Variants in B4GALT5 observed in about 807,000 individuals in gnomAD.
B4GALT5 encodes the protein beta-1,4-galactosyltransferase 5.
A neutral mutation model predicts 45.0 loss-of-function variants in B4GALT5; 11 were observed. That is an observed-to-expected ratio of 0.24 (90% CI 0.15 to 0.40). The LOEUF is 0.40. Among genes scored for constraint, B4GALT5 ranks in the 10% least tolerant of loss-of-function variants. B4GALT5 has a pLI of 1.00. For missense variants in B4GALT5, 337 were observed against 500.2 expected, an observed-to-expected ratio of 0.67 and a Z score of 3.11; for synonymous variants, 185 against 182.9, an observed-to-expected ratio of 1.01 and a Z score of -0.09.
At chr20:49,705,387 G>A (rs570931315) in intron 1 of B4GALT5, among the ~76,000 whole-genome samples, 3 of 152,248 alleles carry the variant, frequency 2.0e-5, no homozygotes, top group Admixed American at 1.3e-4. Flanking sequence ...TCTTTCCTTT[G>A]ACCAAGACAG....
chr20:49,690,037 T>A (rs1416616843), intron 1 of B4GALT5, among the ~76,000 whole-genome samples: 3 of 152,290 alleles, frequency 2.0e-5, no homozygotes, highest in South Asian at 2.1e-4. Context: ...ACAGTCTCCC[T>A]CTGTCACCCA....
intron 1 of B4GALT5, among the ~76,000 whole-genome samples, chr20:49,703,039 T>A (rs1056139376): frequency 1.3e-5 from 2 of 151,266 alleles, no homozygotes; most frequent in Admixed American, 6.6e-5. Context: ...CCGGGCGTGG[T>A]GGTGGGTGCC....
chr20:49,712,274 C>CA (rs1343025437), intron 1 of B4GALT5, among the ~76,000 whole-genome samples: 1 of 152,226 alleles, frequency 6.6e-6, no homozygotes, highest in East Asian at 1.9e-4. Context: ...GATTGGGACT[C>CA]ACATTCCCAT....
At chr20:49,694,776 T>A (rs1342489415) in intron 1 of B4GALT5, among the ~76,000 whole-genome samples, 1 of 152,012 alleles carries the variant, frequency 6.6e-6, no homozygotes, top group Admixed American at 6.6e-5. Context: ...TGCCTTTGCA[T>A]ATGCACAATT....
intron 1 of B4GALT5, among the ~76,000 whole-genome samples, chr20:49,671,139 G>C (rs773361029): frequency 6.6e-6 from 1 of 152,186 alleles, no homozygotes; most frequent in Non-Finnish European, 1.5e-5. Flanking sequence ...AGCACTTTGG[G>C]AGGCCAAGGT....
chr20:49,682,072 G>C (rs2085766334), intron 1 of B4GALT5, among the ~76,000 whole-genome samples: 2 of 152,146 alleles, frequency 1.3e-5, no homozygotes, highest in Admixed American at 1.3e-4. Flanking sequence ...CTCCAGCCTG[G>C]ACAAAGGAGC....
intron 8 of B4GALT5, 77 bp downstream of exon 8, chr20:49,637,264 G>T: frequency 7.8e-7 from 1 of 1,288,680 alleles, no homozygotes; most frequent in Non-Finnish European, 1.1e-6. Flanking sequence ...AGGAGAAGGG[G>T]CTGTAATATG....
At chr20:49,655,622 T>A (rs2085639364) in intron 2 of B4GALT5, among the ~76,000 whole-genome samples, 1 of 151,894 alleles carries the variant, frequency 6.6e-6, no homozygotes, top group Non-Finnish European at 1.5e-5. Context: ...CTGTATTCAG[T>A]TTTTGAAAGA....
chr20:49,640,608 T>C lies in B4GALT5; in HGVS notation c.664A>G (p.Met222Val), dbSNP rs2085572803. The change falls in exon 6 of 9, where the codon ATG (methionine) becomes GTG (valine). Residue 222 changes from methionine (M) to valine (V), a missense_variant. Coordinates refer to ENST00000371711, the MANE Select transcript of B4GALT5 (RefSeq NM_004776.4). ...MLFNVGFQEA[M>V]KDLDWDCLIF... is the part of the protein sequence containing the mutation. ...AAACAGTCCCAATCCAAGTCTTTCA[T>C]TGCCTCTTGAAAGCCAACGTTGAAA... 1.2e-6 allele frequency: 2 copies of C among 1,613,954 alleles called. No homozygotes were observed. The highest frequency in any genetic ancestry group is 1.3e-5 in the African/African-American group (1 of 74,940).
At chr20:49,712,686 C>T (rs1054868574) in intron 1 of B4GALT5, among the ~76,000 whole-genome samples, 9 of 152,108 alleles carry the variant, frequency 5.9e-5, no homozygotes, top group Non-Finnish European at 1.0e-4. Context: ...ACCACACCAT[C>T]TACCCTCAAG....
rs913275124 is a variant in B4GALT5 at position 49,636,114 on chromosome 20, A to G, written c.*198T>C. The G allele has an allele frequency of 4.6e-6, 3 of 652,124 alleles. No homozygotes were observed. In the African/African-American group the frequency reaches 5.5e-5, roughly 12 times the overall value. The allele number at this position is 652,124 out of a possible 1,614,324, so 40.4% of individuals were successfully genotyped here. A position where few individuals can be genotyped will look rare whatever the true frequency, so the allele number is the denominator to read the frequency against. ...GCTGACGAAGGAAGTCCCCAAGCTC[A>G]CTCCCTCAGTTCCAGCGGCTGATCC... On this transcript the variant is annotated 3_prime_UTR_variant, in exon 9 of 9. Transcript: ENST00000371711.
chr20:49,675,652 A>G (rs181891142), intron 1 of B4GALT5, among the ~76,000 whole-genome samples: 16 of 152,162 alleles, frequency 1.1e-4, no homozygotes, highest in South Asian at 1.0e-3. Flanking sequence ...AGCAAATATC[A>G]TATCTTTGTA....
At chr20:49,673,506 G>T (rs905856280) in intron 1 of B4GALT5, among the ~76,000 whole-genome samples, 1 of 152,314 alleles carries the variant, frequency 6.6e-6, no homozygotes. Context: ...GCAGTGGATG[G>T]GGTGAGAAAG....
chr20:49,713,463 A>G, intron 1 of B4GALT5, 113 bp downstream of exon 1: 3 of 1,073,128 alleles, frequency 2.8e-6, no homozygotes, highest in East Asian at 3.1e-5. Flanking sequence ...GAGTCTTCGG[A>G]GGACCAGGCT....
At chr20:49,648,189 C>T (rs1056564330) in intron 2 of B4GALT5, among the ~76,000 whole-genome samples, 4 of 152,170 alleles carry the variant, frequency 2.6e-5, no homozygotes, top group Admixed American at 6.5e-5. Context: ...TGACCAGATT[C>T]TCCAGAGAAA....
chr20:49,679,684 A>C (rs549205128), intron 1 of B4GALT5, among the ~76,000 whole-genome samples: 23 of 150,846 alleles, frequency 1.5e-4, no homozygotes, highest in South Asian at 1.0e-3. Flanking sequence ...TTCAAAAAAA[A>C]CAAAAACAAA....
At chr20:49,671,018 G>A (rs1339986607) in intron 1 of B4GALT5, among the ~76,000 whole-genome samples, 1 of 152,146 alleles carries the variant, frequency 6.6e-6, no homozygotes, top group Non-Finnish European at 1.5e-5. Flanking sequence ...GGCAAAATCA[G>A]ACCATGACTA....
chr20:49,681,098 C>T (rs1164493656), intron 1 of B4GALT5, among the ~76,000 whole-genome samples: 1 of 151,596 alleles, frequency 6.6e-6, no homozygotes, highest in Non-Finnish European at 1.5e-5. Context: ...CATCTGTTGT[C>T]CCAGCTACTC....
At chr20:49,672,374 T>C (rs2085719614) in intron 1 of B4GALT5, among the ~76,000 whole-genome samples, 1 of 152,174 alleles carries the variant, frequency 6.6e-6, no homozygotes. Flanking sequence ...CACTTGAAAA[T>C]TTCTAGCTTC....
Sources: gnomAD v4.1 joint callset for allele counts (sites outside exome capture counted in the v4.1 genomes callset) on GRCh38, gnomAD v4.1.1 for gene constraint, MANE v1.5 for transcripts, NCBI Gene and HGNC (gene_info 2026-07-23, HGNC 2026-07-21) for gene names.